CALD1: variants seen among roughly 807,000 people sequenced by gnomAD.
CALD1 encodes caldesmon.
CALD1 carries 33 observed loss-of-function variants against 99.9 expected under a neutral mutation model. The observed-to-expected ratio is 0.33, with a 90% confidence interval of 0.25 to 0.44. The LOEUF (loss-of-function observed/expected upper bound fraction) is 0.44. Ranked by LOEUF, CALD1 falls within the 20% of genes least tolerant of loss-of-function variation. The probability of loss-of-function intolerance (pLI) is 1.00; values close to 1 mark genes in which losing one functional copy is unlikely to be tolerated. For synonymous variants in CALD1, 310 were observed against 325.0 expected (o/e 0.95, Z 0.50); for missense variants, 861 against 962.1 (o/e 0.89, Z 1.39).
intron 2 of CALD1, among the ~76,000 whole-genome samples, chr7:134,846,723 T>G (rs1799867388): frequency 1.3e-5 from 2 of 152,218 alleles, no homozygotes; most frequent in Admixed American, 6.5e-5. Flanking sequence ...GGAAGCCACC[T>G]CCTGCATTTC....
rs946242481 is a variant in CALD1, at chr7:134,969,619, T to G, written c.*1274T>G. On this transcript the variant is annotated 3_prime_UTR_variant, in exon 15 of 15. Transcript: ENST00000361675. ...TGATCTTTATATACTCTGAAGCATT[T>G]CTTCAAACTTTTCTACTTTTATTTG... 2.8e-5 allele frequency: 4 copies of G among 143,588 alleles called. No homozygotes were observed. The highest frequency in any genetic ancestry group is 1.0e-4 in the African/African-American group (4 of 39,966). The allele number at this position is 143,588 out of a possible 1,614,324, so 8.9% of individuals were successfully genotyped here. A position where few individuals can be genotyped will look rare whatever the true frequency, so the allele number is the denominator to read the frequency against.
the CALD1 span, among the ~76,000 whole-genome samples, chr7:134,720,863 G>T: frequency 6.6e-6 from 1 of 152,180 alleles, no homozygotes; most frequent in South Asian, 2.1e-4. Context: ...TCATGGGCTT[G>T]TACAGTGTGT....
At chr7:134,877,695 G>A (rs1232823991) in intron 3 of CALD1, among the ~76,000 whole-genome samples, 1 of 152,208 alleles carries the variant, frequency 6.6e-6, no homozygotes, top group East Asian at 1.9e-4. Context: ...TGCTGATACT[G>A]AGGGATGACT....
At chr7:134,881,432 T>G (rs1279386785) in intron 3 of CALD1, among the ~76,000 whole-genome samples, 2 of 152,184 alleles carry the variant, frequency 1.3e-5, no homozygotes, top group African/African-American at 4.8e-5. Context: ...TGGATAAAAG[T>G]TCAGCAGATC....
the CALD1 span, among the ~76,000 whole-genome samples, chr7:134,714,734 AG>A: frequency 6.6e-6 from 1 of 152,214 alleles, no homozygotes; most frequent in African/African-American, 2.4e-5. Flanking sequence ...ATTAAGGGAT[AG>A]GTCATTCAGA....
At chr7:134,844,765 GCCA>G (rs1330307860) in intron 2 of CALD1, among the ~76,000 whole-genome samples, 2 of 150,184 alleles carry the variant, frequency 1.3e-5, no homozygotes, top group African/African-American at 5.0e-5. Context: ...CTTGCAGATG[GCCA>G]CCTTCTCCCT....
chr7:134,899,539 G>A (rs571635085), intron 3 of CALD1, among the ~76,000 whole-genome samples: 3 of 152,156 alleles, frequency 2.0e-5, no homozygotes, highest in East Asian at 3.9e-4. Context: ...ATTCCTATTC[G>A]GAGCCTAACC....
intron 9 of CALD1, among the ~76,000 whole-genome samples, chr7:134,955,417 C>A (rs1807689486): frequency 1.3e-5 from 2 of 152,106 alleles, no homozygotes; most frequent in Non-Finnish European, 2.9e-5. Flanking sequence ...CCTTGTCTAT[C>A]TTAGCTTGCT....
At chr7:134,928,986 C>A in intron 4 of CALD1, 86 bp downstream of exon 4, 1 of 1,160,342 alleles carries the variant, frequency 8.6e-7, no homozygotes, top group African/African-American at 1.6e-5. Flanking sequence ...GCATTCCTTT[C>A]TCAGCCCAAC....
chr7:134,842,482 T>C (rs1276408891), intron 1 of CALD1, among the ~76,000 whole-genome samples: 4 of 152,268 alleles, frequency 2.6e-5, no homozygotes, highest in African/African-American at 9.6e-5. Flanking sequence ...GAGGAATTGT[T>C]TTATAAAAAT....
chr7:134,889,833 G>GAT (rs1257387989), intron 3 of CALD1, among the ~76,000 whole-genome samples: 1 of 152,168 alleles, frequency 6.6e-6, no homozygotes, highest in Non-Finnish European at 1.5e-5. Flanking sequence ...TATACATAAT[G>GAT]ATATATAGAG....
chr7:134,789,141 T>C (rs1012009280), intron 1 of CALD1, among the ~76,000 whole-genome samples: 8 of 151,990 alleles, frequency 5.3e-5, no homozygotes, highest in African/African-American at 1.9e-4. Flanking sequence ...GTTCAGTGTT[T>C]AGAACAGTGC....
Position 134,928,759 on chromosome 7 carries a change from C to G in CALD1, c.77C>G (p.Ala26Gly). 1 of 1,613,468 alleles carries G rather than the reference C, an allele frequency of 6.2e-7. No individual in the cohort carries two copies. Among genetic ancestry groups the G allele is most frequent in the South Asian group, 1.1e-5 (1 of 90,946 alleles). The change falls in exon 4 of 15, where the codon GCC (alanine) becomes GGC (glycine). Residue 26 changes from alanine (A) to glycine (G), a missense_variant. By Grantham distance (60) the Ala-to-Gly change is moderately conservative. Around this residue, in one of 5 missense-constraint regions of CALD1, gnomAD observed 123 missense variants for 169.8 expected, o/e 0.72. Coordinates refer to ENST00000361675, the MANE Select transcript of CALD1 (RefSeq NM_033138.4). ...TTGTCTTTGTAATGTTGCAGAATCG[C>G]CTACCAGAGGAATGACGATGATGAA... ...EEMRLEAERI[A>G]YQRNDDDEEE... is the part of the protein sequence containing the mutation.
At chr7:134,853,958 C>T (rs991906679) in intron 2 of CALD1, among the ~76,000 whole-genome samples, 3 of 142,964 alleles carry the variant, frequency 2.1e-5, no homozygotes, top group Admixed American at 7.6e-5. Flanking sequence ...TGAGAACATG[C>T]GGTGTTTGGT....
intron 1 of CALD1, among the ~76,000 whole-genome samples, chr7:134,809,865 C>A (rs988526347): frequency 6.6e-6 from 1 of 152,062 alleles, no homozygotes; most frequent in African/African-American, 2.4e-5. Context: ...AACATATTTT[C>A]ATTGCTAGAA....
At chr7:134,722,743 T>C in the CALD1 span, among the ~76,000 whole-genome samples, 11 of 152,142 alleles carry the variant, frequency 7.2e-5, no homozygotes, top group African/African-American at 2.7e-4. Flanking sequence ...TATTTCTCAC[T>C]CCTTTGTTAC....
chr7:134,928,098 TTTTG>T (rs1258959110), intron 3 of CALD1: 3 of 322,358 alleles, frequency 9.3e-6, no homozygotes, highest in Non-Finnish European at 1.9e-5. Context: ...GAAGTAAGCA[TTTTG>T]TTTATTTTTG....
chr7:134,936,884 A>C (rs1806024385), intron 6 of CALD1, among the ~76,000 whole-genome samples: 1 of 152,224 alleles, frequency 6.6e-6, no homozygotes, highest in Admixed American at 6.5e-5. Flanking sequence ...TGTTAATAAC[A>C]GGAAAACTGA....
intron 7 of CALD1, among the ~76,000 whole-genome samples, chr7:134,943,823 A>C (rs73728011): frequency 0.029 from 4,444 of 152,328 alleles, 192 homozygotes; most frequent in African/African-American, 0.1. Flanking sequence ...ATAATTTTAC[A>C]TTGATTCTTG....
Sources: allele counts gnomAD v4.1 joint callset (sites outside exome capture counted in the v4.1 genomes callset), GRCh38; gene constraint gnomAD v4.1.1; regional missense constraint gnomAD v4.1.1; transcripts MANE v1.5; gene names NCBI Gene and HGNC (gene_info 2026-07-23, HGNC 2026-07-21).